Variants in BCL7B observed in about 807,000 individuals in gnomAD.
The protein encoded by BCL7B is BAF chromatin remodeling complex subunit BCL7B.
Under a neutral mutation model 26.5 loss-of-function variants are expected in BCL7B, and 11 were observed. That is an observed-to-expected ratio of 0.42 (90% confidence interval 0.26 to 0.69). The LOEUF is 0.69. BCL7B is among the 30% of genes least tolerant of loss of function. The pLI is 0.28. For synonymous variants in BCL7B, 111 were observed against 107.9 expected (o/e 1.03, Z -0.18); for missense variants, 215 against 264.4 (o/e 0.81, Z 1.30).
chr7:73,537,432 C>G (rs1554582275), intron 5 of BCL7B, 42 bp from the exon 6 acceptor site: 2 of 1,493,766 alleles, frequency 1.3e-6, no homozygotes, highest in Non-Finnish European at 1.9e-6. Flanking sequence ...CCACCCCTCC[C>G]AACCAGAACC....
intron 1 of BCL7B, 24 bp downstream of exon 1, chr7:73,557,463 G>A (rs781917506): frequency 3.8e-6 from 5 of 1,325,544 alleles, no homozygotes; most frequent in Middle Eastern, 3.0e-4. Context: ...ACCCCCGCCA[G>A]CCCCCTAAGC....
chr7:73,541,315 C>A (rs1791763880), intron 3 of BCL7B, among the ~76,000 whole-genome samples: 1 of 152,142 alleles, frequency 6.6e-6, no homozygotes, highest in Non-Finnish European at 1.5e-5. Flanking sequence ...CTCATCATCT[C>A]CAGCCTGGCC....
intron 2 of BCL7B, among the ~76,000 whole-genome samples, chr7:73,547,002 A>G (rs1554583546): frequency 6.6e-6 from 1 of 151,946 alleles, no homozygotes; most frequent in African/African-American, 2.4e-5. Context: ...CATCTCTACT[A>G]AAAATACAAA....
At chr7:73,544,278 G>A (rs1374099323) in intron 2 of BCL7B, among the ~76,000 whole-genome samples, 4 of 152,014 alleles carry the variant, frequency 2.6e-5, no homozygotes, top group Non-Finnish European at 5.9e-5. Flanking sequence ...AAAATCAGCC[G>A]AGTGTGGTGG....
rs782698998 is a variant in BCL7B, at chr7:73,539,917, G to T, written c.401C>A (p.Ser134Tyr). 1 of 1,613,930 alleles carries T rather than the reference G, an allele frequency of 6.2e-7. No individual in the cohort carries two copies. The highest frequency in any genetic ancestry group is 8.5e-7 in the Non-Finnish European group (1 of 1,180,042). ...AHTSDFRTDDSQPPTLGQEIL... is the reference protein window; with the variant it reads ...AHTSDFRTDDYQPPTLGQEIL... The stretch of plus-strand genomic sequence containing the variant: ...CTCCTGGCCCAGCGTTGGGGGCTGG[G>T]AGTCATCCGTGCGGAAGTCGGAGGT... The change falls in exon 4 of 6, where the codon TCC becomes TAC. Residue 134 changes from serine to tyrosine, a missense_variant. By Grantham distance (144) the Ser-to-Tyr change is moderately radical. Transcript: ENST00000223368.
rs1360353551 is a variant in BCL7B at position 73,557,627 on chromosome 7, G to A, written c.-49C>T. 9 of 1,114,394 alleles carry A rather than the reference G, an allele frequency of 8.1e-6. No homozygotes were observed. In the African/African-American group the frequency reaches 1.3e-4, roughly 16 times the overall value. 69.0% of individuals were successfully genotyped at this position (1,114,394 alleles called of 1,614,324 possible). A position where few individuals can be genotyped will look rare whatever the true frequency, so the allele number is the denominator to read the frequency against. ...CCGGGGCACTGCTCCCAAGACACCGGGGATCGCGCGCCTCACGCGCCGCCG... is the reference window on the plus strand; with the variant it reads ...CCGGGGCACTGCTCCCAAGACACCGAGGATCGCGCGCCTCACGCGCCGCCG... On this transcript the variant is annotated 5_prime_UTR_variant, in exon 1 of 6. Transcript: ENST00000223368.
At position 73,537,016 on chromosome 7, in the gene BCL7B, G is replaced by C; in HGVS notation, c.*282C>G. 2.9e-6 allele frequency: 1 copy of C among 347,130 alleles called. No homozygotes were observed. Among genetic ancestry groups the C allele is most frequent in the East Asian group, 4.9e-5 (1 of 20,312 alleles). The allele number at this position is 347,130 out of a possible 1,614,324, so 21.5% of individuals were successfully genotyped here. A position where few individuals can be genotyped will look rare whatever the true frequency, so the allele number is the denominator to read the frequency against. The stretch of plus-strand genomic sequence containing the variant: ...CAGAGATTCTGGAGCAGAGACTGCT[G>C]CCTGGAGGTCACAGATGAATCTTGG... On this transcript the variant is annotated 3_prime_UTR_variant, in exon 6 of 6. Transcript: ENST00000223368.
chr7:73,539,597 A>G (rs1186175840), intron 4 of BCL7B: 5 of 365,084 alleles, frequency 1.4e-5, no homozygotes, highest in African/African-American at 1.0e-4. Context: ...CCTCATCTGT[A>G]AAAGAAGACA....
Position 73,537,992 on chromosome 7 carries a change from T to C in BCL7B, c.458A>G (p.Glu153Gly). ...GAGGGTAGGAGGTTCATCAGCAACT[T>C]CCGAGGAGGGCAGGGAGGGCTCTGA... The part of the protein sequence containing the change: ...ILEEPSLPSS[E>G]VADEPPTLTK... The change falls in exon 5 of 6, where the codon GAA becomes GGA. Residue 153 changes from glutamate to glycine, a missense_variant. Coordinates refer to ENST00000223368, the MANE Select transcript of BCL7B (RefSeq NM_001707.4). 6.2e-7 allele frequency: 1 copy of C among 1,605,236 alleles called. No individual in the cohort carries two copies. Among genetic ancestry groups the C allele is most frequent in the Non-Finnish European group, 8.5e-7 (1 of 1,175,644 alleles).
chr7:73,541,497 C>T (rs1432164589), intron 3 of BCL7B, among the ~76,000 whole-genome samples: 24 of 142,280 alleles, frequency 1.7e-4, no homozygotes, highest in Non-Finnish European at 2.4e-4. Flanking sequence ...GACCGAGTTT[C>T]GCTCTTGTTG....
chr7:73,551,882 T>G (rs1486938438), intron 2 of BCL7B, among the ~76,000 whole-genome samples: 1 of 150,026 alleles, frequency 6.7e-6, no homozygotes, highest in Non-Finnish European at 1.5e-5. Flanking sequence ...GGTCACGAGG[T>G]CAGGAGTTCA....
At chr7:73,551,647 G>C (rs781906184) in intron 2 of BCL7B, among the ~76,000 whole-genome samples, 1 of 152,078 alleles carries the variant, frequency 6.6e-6, no homozygotes, top group African/African-American at 2.4e-5. Context: ...TAAGGAATAC[G>C]CCAGGGCTGT....
rs534849362 is a variant in BCL7B at position 73,537,230 on chromosome 7, C to G, written c.*68G>C. On this transcript the variant is annotated 3_prime_UTR_variant, in exon 6 of 6. Transcript: ENST00000223368. Reference sequence around the variant, plus strand: ...CCAGTGCTTGCCCTTACCCCAGCAACGCGGCGCGGCCAGAACCAGAATGCA... The same window carrying G: ...CCAGTGCTTGCCCTTACCCCAGCAAGGCGGCGCGGCCAGAACCAGAATGCA... The G allele has an allele frequency of 4.0e-6, 6 of 1,518,078 alleles. No individual in the cohort carries two copies. The highest frequency in any genetic ancestry group is 9.1e-7 in the Non-Finnish European group (1 of 1,098,372). 94.0% of individuals were successfully genotyped at this position (1,518,078 alleles called of 1,614,324 possible). A position where few individuals can be genotyped will look rare whatever the true frequency, so the allele number is the denominator to read the frequency against.
chr7:73,552,348 CCTT>C (rs1357745677), intron 1 of BCL7B, 106 bp from the exon 2 acceptor site: 3 of 923,668 alleles, frequency 3.2e-6, no homozygotes, highest in Non-Finnish European at 5.2e-6. Context: ...AATCTGGAAT[CCTT>C]CTGAACTTCC....
chr7:73,549,698 C>T (rs1201533936), intron 2 of BCL7B, among the ~76,000 whole-genome samples: 1 of 152,204 alleles, frequency 6.6e-6, no homozygotes, highest in African/African-American at 2.4e-5. Flanking sequence ...GGCATGATGG[C>T]ATATGCCTGT....
rs375488262 is a variant in BCL7B at position 73,548,280 on chromosome 7, T to C, written c.168+3887A>G. On this transcript the variant is annotated intron_variant, in intron 2 of 5. Transcript: ENST00000223368. ...CTGTCTCTACTAAAAATACAGAAAT[T>C]AGCCGGGCCTGGTGGTGTGTGCCTG... Among the ~76,000 whole-genome samples, 21 of 152,066 alleles carry C rather than the reference T, an allele frequency of 1.4e-4. No homozygotes were observed. The East Asian group carries it at 2.9e-3, about 21-fold the overall frequency.
intron 2 of BCL7B, among the ~76,000 whole-genome samples, chr7:73,547,461 A>T (rs1250059678): frequency 1.3e-5 from 2 of 151,376 alleles, no homozygotes; most frequent in African/African-American, 4.9e-5. Context: ...AGACAGTCTC[A>T]AAAAAAAAGG....
chr7:73,537,274 A>G lies in BCL7B; in HGVS notation c.*24T>C, dbSNP rs1368160848. 6.2e-7 allele frequency: 1 copy of G among 1,612,070 alleles called. No individual in the cohort carries two copies. The highest frequency in any genetic ancestry group is 8.5e-7 in the Non-Finnish European group (1 of 1,178,542). ...GAATGCAATAAATAGAGGCAGGGCC[A>G]GGAGGCGGAGGGCCGGGATGGTGCT... is the stretch of plus-strand genomic sequence containing the variant. On this transcript the variant is annotated 3_prime_UTR_variant, in exon 6 of 6. Coordinates refer to ENST00000223368, the MANE Select transcript of BCL7B (RefSeq NM_001707.4).
chr7:73,542,755 G>A, intron 3 of BCL7B: 1 of 278,724 alleles, frequency 3.6e-6, no homozygotes, highest in Admixed American at 4.1e-5. Flanking sequence ...AGAAGCTTCG[G>A]CTTTGGGTAG....
Sources: gnomAD v4.1 joint callset for allele counts (sites outside exome capture counted in the v4.1 genomes callset) on GRCh38, gnomAD v4.1.1 for gene constraint, MANE v1.5 for transcripts, NCBI Gene and HGNC (gene_info 2026-07-23, HGNC 2026-07-21) for gene names.